Variants in TMEM116 observed in about 807,000 individuals in gnomAD.
The protein encoded by TMEM116 is transmembrane protein 116.
Under a neutral mutation model 44.3 loss-of-function variants are expected in TMEM116, and 38 were observed. That is an observed-to-expected ratio of 0.86 (90% CI 0.66 to 1.12). The LOEUF (loss-of-function observed/expected upper bound fraction) is 1.12, where lower values mean the gene tolerates loss of function less well. Among genes scored for constraint, TMEM116 ranks in the 50% most tolerant of loss-of-function variants. The probability of loss-of-function intolerance (pLI) is 0.00; values close to 1 mark genes in which losing one functional copy is unlikely to be tolerated. For missense variants in TMEM116, 354 were observed against 401.7 expected (o/e 0.88, Z 1.01); for synonymous variants, 132 against 144.8 (o/e 0.91, Z 0.64).
chr12:111,940,799 C>T (rs1297698025), intron 5 of TMEM116, among the ~76,000 whole-genome samples: 1 of 151,892 alleles, frequency 6.6e-6, no homozygotes, highest in East Asian at 1.9e-4. Context: ...CCATTCTTGG[C>T]TTCTGGTCTA....
intron 4 of TMEM116, among the ~76,000 whole-genome samples, chr12:111,976,856 G>T (rs1420572600): frequency 6.6e-6 from 1 of 152,018 alleles, no homozygotes; most frequent in Admixed American, 6.6e-5. Context: ...ACTGAATACA[G>T]CCATGAATGT....
At chr12:112,009,229 C>G (rs780079650) in intron 1 of TMEM116, among the ~76,000 whole-genome samples, 2 of 152,062 alleles carry the variant, frequency 1.3e-5, no homozygotes, top group Admixed American at 6.5e-5. Flanking sequence ...AAGAGAGCAC[C>G]TGACTACTCT....
chr12:112,012,186 T>C (rs1489882779), intron 1 of TMEM116: 1 of 152,308 alleles, frequency 6.6e-6, no homozygotes, highest in Admixed American at 6.5e-5. Flanking sequence ...CCCCCTCTTA[T>C]TTCAAGGTCC....
chr12:112,008,639 ATTT>A (rs2077696788), intron 1 of TMEM116, among the ~76,000 whole-genome samples: 1 of 152,132 alleles, frequency 6.6e-6, no homozygotes, highest in South Asian at 2.1e-4. Context: ...TTTGTAAAAT[ATTT>A]TTATTTAACC....
chr12:111,983,432 A>C (rs779716047), intron 4 of TMEM116, among the ~76,000 whole-genome samples: 3 of 151,254 alleles, frequency 2.0e-5, no homozygotes, highest in Non-Finnish European at 4.4e-5. Context: ...ACAGAGCAAG[A>C]CTCTATCTAA....
In TMEM116 at chr12:111,943,245, C is replaced by T; in HGVS notation, c.315+20G>A. On this transcript the variant is annotated intron_variant, in intron 5 of 10. Transcript: ENST00000552374. ...GGCCTAGCATACTATTATTAACTATCAGCCCTGAATAAAACTTACCAGTGG... is the reference window on the plus strand; with the variant it reads ...GGCCTAGCATACTATTATTAACTATTAGCCCTGAATAAAACTTACCAGTGG... 6.3e-7 allele frequency: 1 copy of T among 1,578,208 alleles called. No individual in the cohort carries two copies. The highest frequency in any genetic ancestry group is 1.1e-5 in the South Asian group (1 of 90,338).
intron 4 of TMEM116, among the ~76,000 whole-genome samples, chr12:111,985,737 T>C (rs920029093): frequency 2.6e-5 from 4 of 151,998 alleles, no homozygotes; most frequent in Admixed American, 1.3e-4. Flanking sequence ...GCTGGAATTA[T>C]AGGCGCACAC....
intron 3 of TMEM116, among the ~76,000 whole-genome samples, chr12:112,003,122 C>T (rs542242991): frequency 5.3e-5 from 8 of 152,306 alleles, no homozygotes; most frequent in African/African-American, 1.9e-4. Flanking sequence ...AAACTATCTC[C>T]TAGTCCCAGT....
intron 4 of TMEM116, among the ~76,000 whole-genome samples, chr12:111,957,579 G>A (rs964293385): frequency 1.3e-5 from 2 of 150,942 alleles, no homozygotes; most frequent in African/African-American, 2.4e-5. Context: ...TGGGAGGTGG[G>A]GGCCAGCCCC....
intron 4 of TMEM116, among the ~76,000 whole-genome samples, chr12:111,973,799 C>G (rs1171645532): frequency 1.3e-5 from 2 of 151,944 alleles, no homozygotes; most frequent in African/African-American, 4.8e-5. Context: ...TGGCACACAC[C>G]TGCAATCCCA....
chr12:111,952,799 C>A (rs191861314), intron 4 of TMEM116, among the ~76,000 whole-genome samples: 53 of 152,298 alleles, frequency 3.5e-4, no homozygotes, highest in Non-Finnish European at 6.2e-4. Context: ...TGCTCCTCAG[C>A]TTGCAGACAG....
intron 4 of TMEM116, among the ~76,000 whole-genome samples, chr12:111,980,186 T>C (rs1330777755): frequency 6.6e-6 from 1 of 152,214 alleles, no homozygotes; most frequent in African/African-American, 2.4e-5. Context: ...CAAGATGTCC[T>C]ATAATGATGA....
chr12:112,000,463 A>C (rs2077189494), intron 3 of TMEM116, among the ~76,000 whole-genome samples: 1 of 152,140 alleles, frequency 6.6e-6, no homozygotes, highest in Non-Finnish European at 1.5e-5. Flanking sequence ...AGAGCGAGCT[A>C]CTATTAACAG....
At chr12:111,937,947 T>C (rs889083272) in intron 6 of TMEM116, 1 of 353,752 alleles carries the variant, frequency 2.8e-6, no homozygotes, top group Non-Finnish European at 5.3e-6. Context: ...GATGGTAGAT[T>C]TGGAGCTAAA....
chr12:111,995,501 T>C (rs1468669879), intron 3 of TMEM116, among the ~76,000 whole-genome samples: 1 of 152,086 alleles, frequency 6.6e-6, no homozygotes, highest in East Asian at 1.9e-4. Context: ...CTCTGCACTT[T>C]GGGAGGTGGG....
chr12:111,941,209 C>G (rs138245274), intron 5 of TMEM116, among the ~76,000 whole-genome samples: 2 of 151,962 alleles, frequency 1.3e-5, no homozygotes, highest in African/African-American at 2.4e-5. Context: ...AACCCCATCT[C>G]TACTATAAAT....
intron 4 of TMEM116, among the ~76,000 whole-genome samples, chr12:111,944,720 T>C (rs1593313239): frequency 6.6e-6 from 1 of 151,966 alleles, no homozygotes; most frequent in Non-Finnish European, 1.5e-5. Flanking sequence ...GAGAAAACCA[T>C]GAAAACCAGA....
chr12:111,965,482 A>G (rs943202231), intron 4 of TMEM116: 2 of 160,224 alleles, frequency 1.2e-5, no homozygotes, highest in African/African-American at 2.4e-5. Flanking sequence ...ATGGAAAGAG[A>G]GGAAAGAGTC....
chr12:111,972,709 T>A (rs540782476), intron 4 of TMEM116, among the ~76,000 whole-genome samples: 1 of 152,004 alleles, frequency 6.6e-6, no homozygotes, highest in African/African-American at 2.4e-5. Context: ...TGAAACCCCG[T>A]CTCTACTAAA....
Sources: allele counts gnomAD v4.1 joint callset (sites outside exome capture counted in the v4.1 genomes callset), GRCh38; gene constraint gnomAD v4.1.1; transcripts MANE v1.5; gene names NCBI Gene and HGNC (gene_info 2026-07-23, HGNC 2026-07-21).